The following ARHGAP10 variants were observed in gnomAD, a reference collection of about 807,000 sequenced individuals.
ARHGAP10 encodes rho GTPase-activating protein 10.
Under a neutral mutation model 108.6 loss-of-function variants are expected in ARHGAP10, and 87 were observed. The observed-to-expected ratio is 0.80, with a 90% confidence interval of 0.67 to 0.96. The LOEUF is 0.96. Ranked by LOEUF, ARHGAP10 falls within the 40% of genes least tolerant of loss-of-function variation. The probability of loss-of-function intolerance (pLI) is 0.00; values close to 1 mark genes in which losing one functional copy is unlikely to be tolerated. For synonymous variants in ARHGAP10, 347 were observed against 341.1 expected, an observed-to-expected ratio of 1.02 and a Z score of -0.19; for missense variants, 939 against 954.5, an observed-to-expected ratio of 0.98 and a Z score of 0.21.
chr4:148,023,277 G>T lies in ARHGAP10; in HGVS notation c.1731G>T (p.Pro577=), dbSNP rs546939146. ...TTTGTTGGAAGATTTTTCGGACGCCGCCCGATACTACATTCCCTGAGCCCA... is the reference window on the plus strand; with the variant it reads ...TTTGTTGGAAGATTTTTCGGACGCCTCCCGATACTACATTCCCTGAGCCCA... ...IENHEKIFRT[P]PDTTFPEPTC... The change falls in exon 19 of 23, where the codon CCG becomes CCT. Residue 577 remains proline, a synonymous_variant. Coordinates refer to ENST00000336498, the MANE Select transcript of ARHGAP10 (RefSeq NM_024605.4). 3 of 1,613,814 alleles carry T rather than the reference G, an allele frequency of 1.9e-6. No individual in the cohort carries two copies. Among genetic ancestry groups the T allele is most frequent in the Admixed American group, 3.3e-5 (2 of 60,002 alleles).
chr4:147,959,065 TGCATTA>T (rs780221717), intron 16 of ARHGAP10, among the ~76,000 whole-genome samples: 2 of 152,198 alleles, frequency 1.3e-5, no homozygotes, highest in Non-Finnish European at 2.9e-5. Flanking sequence ...TAAAATAAAT[TGCATTA>T]GCATAAGCAA....
chr4:148,004,393 G>A (rs983839842), intron 18 of ARHGAP10, among the ~76,000 whole-genome samples: 91 of 152,320 alleles, frequency 6.0e-4, no homozygotes, highest in Non-Finnish European at 4.7e-4. Context: ...TTTAAATAGT[G>A]ATAGTGATTG....
chr4:147,772,277 T>C (rs1039736398), intron 1 of ARHGAP10, among the ~76,000 whole-genome samples: 1 of 152,226 alleles, frequency 6.6e-6, no homozygotes, highest in Non-Finnish European at 1.5e-5. Flanking sequence ...TCCCTCTCCC[T>C]AGGTTCCGTG....
intron 10 of ARHGAP10, 87 bp from the exon 11 acceptor site, chr4:147,906,551 A>AT (rs1736502617): frequency 7.4e-7 from 1 of 1,345,674 alleles, no homozygotes; most frequent in South Asian, 1.3e-5. Flanking sequence ...AAAAGTAAAA[A>AT]AAAAATGGTT....
chr4:147,920,271 G>A (rs1737181498), intron 13 of ARHGAP10, among the ~76,000 whole-genome samples: 1 of 151,832 alleles, frequency 6.6e-6, no homozygotes, highest in African/African-American at 2.4e-5. Context: ...ACAAAAATTA[G>A]CTGGGCATGG....
At position 147,733,166 on chromosome 4, in the gene ARHGAP10, G is replaced by C. The variant is rs535558418; in HGVS notation, c.154+711G>C. On this transcript the variant is annotated intron_variant, in intron 1 of 22. Transcript: ENST00000336498. ...CAAATAGGGAATTCCACCCCGGTTAGGCTTGGTGCCTTCCTCCCCTGAACT... is the reference window on the plus strand; with the variant it reads ...CAAATAGGGAATTCCACCCCGGTTACGCTTGGTGCCTTCCTCCCCTGAACT... Among the ~76,000 whole-genome samples, 133 of 152,288 alleles carry C rather than the reference G, an allele frequency of 8.7e-4. 2 individuals are homozygous for C. The highest frequency in any genetic ancestry group is 2.9e-3 in the African/African-American group (121 of 41,576).
chr4:147,941,271 G>A (rs185702022), intron 14 of ARHGAP10, among the ~76,000 whole-genome samples: 35 of 152,256 alleles, frequency 2.3e-4, no homozygotes, highest in African/African-American at 8.2e-4. Context: ...CCTGTTCAAG[G>A]AAAGTTTGAA....
chr4:148,049,386 C>G (rs34580209), intron 20 of ARHGAP10, among the ~76,000 whole-genome samples: 2 of 152,040 alleles, frequency 1.3e-5, no homozygotes. Context: ...CTCTGAGGAG[C>G]GTAATTAGGA....
intron 9 of ARHGAP10, among the ~76,000 whole-genome samples, chr4:147,880,397 A>G (rs189115815): frequency 6.6e-5 from 10 of 152,364 alleles, no homozygotes; most frequent in African/African-American, 2.4e-4. Flanking sequence ...ATGGAAAATT[A>G]GTCATGGTGA....
intron 4 of ARHGAP10, among the ~76,000 whole-genome samples, chr4:147,849,754 T>C (rs1284422345): frequency 2.6e-5 from 4 of 152,316 alleles, no homozygotes; most frequent in Non-Finnish European, 5.9e-5. Context: ...TTTTGTAAAT[T>C]GGATTTTGAA....
chr4:147,985,011 C>T (rs1739979316), intron 18 of ARHGAP10, among the ~76,000 whole-genome samples: 1 of 152,170 alleles, frequency 6.6e-6, no homozygotes, highest in Non-Finnish European at 1.5e-5. Context: ...AGAGATGTGC[C>T]TAGGTGTGGA....
At chr4:148,060,563 ACCTTGTTTGGCTG>A (rs1729573298) in intron 20 of ARHGAP10, among the ~76,000 whole-genome samples, 2 of 151,948 alleles carry the variant, frequency 1.3e-5, no homozygotes, top group Non-Finnish European at 2.9e-5. Flanking sequence ...TGGTTCCCAA[ACCTTGTTTGGCTG>A]CACAGGTCTC....
At chr4:148,056,758 A>T (rs1729380768) in intron 20 of ARHGAP10, among the ~76,000 whole-genome samples, 1 of 152,220 alleles carries the variant, frequency 6.6e-6, no homozygotes, top group Non-Finnish European at 1.5e-5. Flanking sequence ...TTTTTAAATG[A>T]TGACATCTAC....
At chr4:147,922,107 TG>T (rs1264241629) in intron 13 of ARHGAP10, among the ~76,000 whole-genome samples, 2 of 151,874 alleles carry the variant, frequency 1.3e-5, no homozygotes, top group Non-Finnish European at 2.9e-5. Flanking sequence ...TGCAAGGATG[TG>T]GGGTGTCAGA....
intron 10 of ARHGAP10, among the ~76,000 whole-genome samples, chr4:147,897,670 A>G (rs2126895095): frequency 6.6e-6 from 1 of 152,320 alleles, no homozygotes; most frequent in African/African-American, 2.4e-5. Context: ...TCTTGTTACT[A>G]TATATTCTAA....
chr4:147,965,607 AG>A (rs1311775092), intron 17 of ARHGAP10, among the ~76,000 whole-genome samples: 2 of 152,256 alleles, frequency 1.3e-5, no homozygotes, highest in South Asian at 2.1e-4. Context: ...TTCTAACTGT[AG>A]AATTTTAGAC....
intron 22 of ARHGAP10, among the ~76,000 whole-genome samples, chr4:148,068,569 A>G (rs910580899): frequency 1.3e-5 from 2 of 152,208 alleles, no homozygotes; most frequent in Non-Finnish European, 2.9e-5. Flanking sequence ...GGTTAAGCTC[A>G]CACATATGCA....
chr4:147,884,325 G>A (rs865974442), intron 10 of ARHGAP10, among the ~76,000 whole-genome samples: 57 of 152,260 alleles, frequency 3.7e-4, no homozygotes, highest in African/African-American at 1.2e-3. Context: ...CACATACGAA[G>A]GATAATACCT....
chr4:148,000,180 GT>G (rs1464817353), intron 18 of ARHGAP10, among the ~76,000 whole-genome samples: 1 of 151,502 alleles, frequency 6.6e-6, no homozygotes, highest in Non-Finnish European at 1.5e-5. Context: ...GTGGTGGTTG[GT>G]TTTTTTTGTC....
Sources: gnomAD v4.1 joint callset for allele counts (sites outside exome capture counted in the v4.1 genomes callset) on GRCh38, gnomAD v4.1.1 for gene constraint, MANE v1.5 for transcripts, NCBI Gene and HGNC (gene_info 2026-07-23, HGNC 2026-07-21) for gene names.